The following NAV3 variants were observed in gnomAD, a reference collection of about 807,000 sequenced individuals.
NAV3 encodes neuron navigator 3.
Under a neutral mutation model 244.7 loss-of-function variants are expected in NAV3, and 87 were observed. That is an observed-to-expected ratio of 0.36 (90% CI 0.30 to 0.42). NAV3 has a LOEUF of 0.42. NAV3 is among the 20% of genes least tolerant of loss of function. The pLI is 1.00. For synonymous variants in NAV3, 1,126 were observed against 1,042.2 expected (o/e 1.08, Z -1.55); for missense variants, 2,663 against 2,893.3 (o/e 0.92, Z 1.83).
chr12:78,126,853 T>C (rs1359127867), intron 16 of NAV3, among the ~76,000 whole-genome samples: 3 of 152,256 alleles, frequency 2.0e-5, no homozygotes, highest in Non-Finnish European at 2.9e-5. Context: ...ATCAGTTGCA[T>C]AGGGAAGGAA....
At chr12:77,806,133 AT>A (rs1203706680) in intron 2 of NAV3, among the ~76,000 whole-genome samples, 2 of 151,910 alleles carry the variant, frequency 1.3e-5, no homozygotes, top group East Asian at 3.9e-4. Flanking sequence ...GGGTTCATTG[AT>A]TTTTTGAAGG....
At chr12:78,025,359 A>T (rs1877848640) in intron 9 of NAV3, among the ~76,000 whole-genome samples, 1 of 151,974 alleles carries the variant, frequency 6.6e-6, no homozygotes, top group African/African-American at 2.4e-5. Flanking sequence ...GCACTTTGGG[A>T]GGCCGAGGGG....
At chr12:77,863,532 A>T (rs1403337401) in intron 1 of NAV3, among the ~76,000 whole-genome samples, 1 of 151,830 alleles carries the variant, frequency 6.6e-6, no homozygotes, top group African/African-American at 2.4e-5. Context: ...CTTGTACCAT[A>T]AGTCATTCCA....
chr12:77,893,608 T>TG (rs142919137), intron 1 of NAV3, among the ~76,000 whole-genome samples: 2 of 150,610 alleles, frequency 1.3e-5, no homozygotes, highest in African/African-American at 2.4e-5. Context: ...AAAGAAAACT[T>TG]GGGGGGATTG....
At position 78,144,912 on chromosome 12, in the gene NAV3, C is replaced by CAAAAAAAA. The variant is rs755345560; in HGVS notation, c.4684-1429_4684-1422dup. 33 of 66,282 alleles carry CAAAAAAAA rather than the reference C, an allele frequency of 5.0e-4. 1 individual carries two copies. The highest frequency in any genetic ancestry group is 7.2e-4 in the African/African-American group (10 of 13,908). The allele number at this position is 66,282 out of a possible 1,614,324, so 4.1% of individuals were successfully genotyped here. A position where few individuals can be genotyped will look rare whatever the true frequency, so the allele number is the denominator to read the frequency against. On this transcript the variant is annotated intron_variant, in intron 20 of 39. Transcript: ENST00000397909. ...TGAGTGATAGATCAAGATCCTGTCT[C>CAAAAAAAA]AAAAAAAAAAAAAAAAAAAAAAAAA... is the stretch of plus-strand genomic sequence containing the variant.
intron 2 of NAV3, among the ~76,000 whole-genome samples, chr12:77,634,479 G>C (rs1374558481): frequency 6.6e-6 from 1 of 152,198 alleles, no homozygotes; most frequent in African/African-American, 2.4e-5. Context: ...GGGACCAACT[G>C]CAGGTTAATC....
At chr12:77,804,549 T>C (rs976995504) in intron 2 of NAV3, among the ~76,000 whole-genome samples, 2 of 152,184 alleles carry the variant, frequency 1.3e-5, no homozygotes, top group African/African-American at 2.4e-5. Context: ...TTGGTACCAG[T>C]ACCATGCAGT....
intron 1 of NAV3, among the ~76,000 whole-genome samples, chr12:77,885,101 TA>T (rs1883122530): frequency 6.6e-6 from 1 of 152,114 alleles, no homozygotes; most frequent in South Asian, 2.1e-4. Context: ...TTACTTGCTT[TA>T]AGGTTAATCA....
intron 2 of NAV3, among the ~76,000 whole-genome samples, chr12:77,747,734 G>A (rs1413666776): frequency 6.6e-6 from 1 of 152,102 alleles, no homozygotes; most frequent in African/African-American, 2.4e-5. Context: ...TCCTTTGTGG[G>A]GACATGGATG....
At chr12:77,926,850 A>G (rs1387687105) in intron 1 of NAV3, among the ~76,000 whole-genome samples, 3 of 152,176 alleles carry the variant, frequency 2.0e-5, no homozygotes, top group African/African-American at 7.2e-5. Context: ...CCATCAGTCA[A>G]TTTTTCTCTG....
intron 2 of NAV3, among the ~76,000 whole-genome samples, chr12:77,675,311 G>A (rs1401566164): frequency 3.3e-5 from 5 of 152,174 alleles, no homozygotes; most frequent in Admixed American, 1.3e-4. Context: ...GGACGGGCTA[G>A]GCAAGTCAAC....
intron 2 of NAV3, among the ~76,000 whole-genome samples, chr12:77,641,259 G>GTCTTT (rs781310365): frequency 1.6e-4 from 24 of 152,012 alleles, no homozygotes; most frequent in Admixed American, 1.6e-3. Context: ...GGATGGTCTT[G>GTCTTT]TCCTATGTTG....
At chr12:77,974,424 G>T (rs1893279876) in intron 5 of NAV3, among the ~76,000 whole-genome samples, 1 of 151,646 alleles carries the variant, frequency 6.6e-6, no homozygotes, top group South Asian at 2.1e-4. Context: ...TGGGATTACA[G>T]GTGCCCACCA....
intron 22 of NAV3, among the ~76,000 whole-genome samples, chr12:78,151,700 C>T (rs573731564): frequency 6.6e-6 from 1 of 151,674 alleles, no homozygotes; most frequent in South Asian, 2.1e-4. Context: ...AATGAGATGG[C>T]CATCACATGA....
At chr12:77,903,034 G>A (rs1300787884) in intron 1 of NAV3, among the ~76,000 whole-genome samples, 1 of 152,166 alleles carries the variant, frequency 6.6e-6, no homozygotes, top group African/African-American at 2.4e-5. Context: ...CTCATGGGTA[G>A]GAAGAATCAA....
intron 2 of NAV3, among the ~76,000 whole-genome samples, chr12:77,596,839 G>A (rs932941652): frequency 6.6e-6 from 1 of 152,000 alleles, no homozygotes; most frequent in South Asian, 2.1e-4. Context: ...ACCTGAACTG[G>A]GTTGGCATTT....
chr12:77,818,413 G>A (rs1436144292), intron 2 of NAV3, among the ~76,000 whole-genome samples: 1 of 152,082 alleles, frequency 6.6e-6, no homozygotes, highest in Admixed American at 6.6e-5. Flanking sequence ...TAAGAAACAG[G>A]GAAATTGTTT....
chr12:78,093,065 A>G (rs535741521), intron 12 of NAV3, among the ~76,000 whole-genome samples: 100 of 152,306 alleles, frequency 6.6e-4, no homozygotes, highest in Admixed American at 1.2e-3. Context: ...GTTCATCTTT[A>G]TAAGACCTGT....
intron 2 of NAV3, among the ~76,000 whole-genome samples, chr12:77,708,299 A>G (rs979751314): frequency 9.0e-4 from 137 of 152,262 alleles, no homozygotes; most frequent in African/African-American, 3.2e-3. Context: ...TCCCAGTACC[A>G]TTTATTAAAT....
Sources: allele counts gnomAD v4.1 joint callset (sites outside exome capture counted in the v4.1 genomes callset), GRCh38; gene constraint gnomAD v4.1.1; transcripts MANE v1.5; gene names NCBI Gene and HGNC (gene_info 2026-07-23, HGNC 2026-07-21).